SEMA3E: variants seen among roughly 807,000 people sequenced by gnomAD.
SEMA3E encodes the protein semaphorin-3E.
Under a neutral mutation model 93.6 loss-of-function variants are expected in SEMA3E, and 49 were observed. The ratio of observed to expected loss-of-function variants is 0.52; its 90% CI spans 0.42 to 0.66. SEMA3E has a LOEUF of 0.66. Ranked by LOEUF, SEMA3E falls within the 30% of genes least tolerant of loss-of-function variation. The probability of loss-of-function intolerance (pLI) is 0.00; values close to 1 mark genes in which losing one functional copy is unlikely to be tolerated. For synonymous variants in SEMA3E, 363 were observed against 330.7 expected, an observed-to-expected ratio of 1.10 and a Z score of -1.06; for missense variants, 906 against 964.8, an observed-to-expected ratio of 0.94 and a Z score of 0.81.
At chr7:83,606,984 G>A (rs1441948696) in intron 1 of SEMA3E, among the ~76,000 whole-genome samples, 2 of 152,080 alleles carry the variant, frequency 1.3e-5, no homozygotes, top group Non-Finnish European at 2.9e-5. Context: ...TGTAGGGAAT[G>A]ACAAATATTC....
intron 1 of SEMA3E, among the ~76,000 whole-genome samples, chr7:83,631,754 TG>T (rs1447788373): frequency 2.0e-5 from 3 of 152,190 alleles, no homozygotes; most frequent in East Asian, 3.9e-4. Context: ...AGGAAAAAGT[TG>T]GTTCAACAGA....
At chr7:83,629,879 C>T (rs182383529) in intron 1 of SEMA3E, among the ~76,000 whole-genome samples, 11 of 152,310 alleles carry the variant, frequency 7.2e-5, no homozygotes, top group Admixed American at 7.2e-4. Flanking sequence ...GCCCACACAG[C>T]CACCCAGCTT....
At chr7:83,517,697 A>G (rs1385249067) in intron 1 of SEMA3E, among the ~76,000 whole-genome samples, 4 of 152,156 alleles carry the variant, frequency 2.6e-5, no homozygotes, top group Non-Finnish European at 4.4e-5. Flanking sequence ...GGAAAAAGAA[A>G]AATAGGGAAT....
Position 83,392,579 on chromosome 7 carries a change from T to A in SEMA3E, c.1643A>T (p.Tyr548Phe). 6.2e-7 allele frequency: 1 copy of A among 1,613,100 alleles called. No individual in the cohort carries two copies. The highest frequency in any genetic ancestry group is 8.5e-7 in the Non-Finnish European group (1 of 1,179,750). The change falls in exon 14 of 17, where the codon TAC (tyrosine) becomes TTC (phenylalanine). Residue 548 changes from tyrosine to phenylalanine, a missense_variant. Transcript: ENST00000643230. ...AWDGISCSRY[Y>F]PTGTHAKRRF... is the part of the protein sequence containing the mutation. ...CCTTTTTGCATGTGTGCCTGTTGGG[T>A]AATACCGGGAGCAGGATATGCCATC...
rs1157801830 is a variant in SEMA3E, at chr7:83,454,257, CA to C, written c.456+12224del. On this transcript the variant is annotated intron_variant, in intron 4 of 16. Coordinates refer to ENST00000643230, the MANE Select transcript of SEMA3E (RefSeq NM_012431.3). ...TGGGCGACAGAGCAAGACTCCGACT[CA>C]AAAAAAAAAAAAAAATATATATATA... Among the ~76,000 whole-genome samples the C allele has an allele frequency of 5.1e-3, 231 of 44,950 alleles. 3 individuals carry two copies. Among genetic ancestry groups the C allele is most frequent in the Middle Eastern group, 0.022 (1 of 46 alleles). 29.5% of individuals were successfully genotyped at this position (44,950 alleles called of 152,430 possible).
chr7:83,501,549 T>C (rs569021054), intron 1 of SEMA3E, among the ~76,000 whole-genome samples: 96 of 152,134 alleles, frequency 6.3e-4, no homozygotes, highest in African/African-American at 2.2e-3. Context: ...ACCTCCCGGG[T>C]TCAAGCAATT....
chr7:83,592,332 T>C (rs923658137), intron 1 of SEMA3E, among the ~76,000 whole-genome samples: 1 of 152,172 alleles, frequency 6.6e-6, no homozygotes, highest in Non-Finnish European at 1.5e-5. Flanking sequence ...GGTATGTTGG[T>C]GGTAATAATT....
chr7:83,514,520 T>C (rs1257955525), intron 1 of SEMA3E, among the ~76,000 whole-genome samples: 1 of 152,138 alleles, frequency 6.6e-6, no homozygotes, highest in Non-Finnish European at 1.5e-5. Context: ...AAAAAAGATC[T>C]TGTGTTGTTG....
chr7:83,470,484 C>T (rs1294466346), intron 2 of SEMA3E, among the ~76,000 whole-genome samples: 5 of 151,980 alleles, frequency 3.3e-5, no homozygotes, highest in South Asian at 2.1e-4. Flanking sequence ...TATCAACTTA[C>T]GTGCAGAGGT....
chr7:83,579,428 ATCATTG>A (rs1792474284), intron 1 of SEMA3E, among the ~76,000 whole-genome samples: 2 of 152,082 alleles, frequency 1.3e-5, no homozygotes, highest in Admixed American at 6.6e-5. Flanking sequence ...TTTTAAAGGA[ATCATTG>A]TCTATCAAAT....
At chr7:83,610,288 TAC>T (rs1322320944) in intron 1 of SEMA3E, among the ~76,000 whole-genome samples, 1 of 152,114 alleles carries the variant, frequency 6.6e-6, no homozygotes, top group Non-Finnish European at 1.5e-5. Flanking sequence ...TTGATGAATA[TAC>T]TTTGAATGTG....
intron 1 of SEMA3E, among the ~76,000 whole-genome samples, chr7:83,567,374 T>G (rs2115855801): frequency 6.6e-6 from 1 of 152,260 alleles, no homozygotes; most frequent in East Asian, 1.9e-4. Context: ...AACAATTAAC[T>G]TTGGATTAAA....
intron 1 of SEMA3E, among the ~76,000 whole-genome samples, chr7:83,503,462 CTTACTA>C (rs1173246998): frequency 6.6e-6 from 1 of 151,998 alleles, no homozygotes; most frequent in Non-Finnish European, 1.5e-5. Flanking sequence ...ATATTTTATT[CTTACTA>C]TTACTATTAA....
At chr7:83,563,706 TA>T (rs1166138705) in intron 1 of SEMA3E, among the ~76,000 whole-genome samples, 1 of 152,182 alleles carries the variant, frequency 6.6e-6, no homozygotes, top group African/African-American at 2.4e-5. Context: ...TTAAATGAGT[TA>T]TTTTTTAAAT....
At chr7:83,424,870 TG>T (rs1227375380) in intron 4 of SEMA3E, 2 of 256,684 alleles carry the variant, frequency 7.8e-6, no homozygotes, top group African/African-American at 2.3e-5. Context: ...GATGGAGGAA[TG>T]GGGCCCTGAC....
chr7:83,518,197 G>A (rs1170838489), intron 1 of SEMA3E, among the ~76,000 whole-genome samples: 1 of 152,068 alleles, frequency 6.6e-6, no homozygotes, highest in East Asian at 1.9e-4. Flanking sequence ...TATTTATGGG[G>A]AACAGGTCAT....
intron 1 of SEMA3E, among the ~76,000 whole-genome samples, chr7:83,561,327 C>T (rs1368705288): frequency 1.3e-5 from 2 of 152,054 alleles, no homozygotes; most frequent in African/African-American, 4.8e-5. Context: ...TCTTTCTATT[C>T]TCCATGTGCG....
chr7:83,469,439 C>A, intron 2 of SEMA3E, 137 bp from the exon 3 acceptor site: 1 of 600,126 alleles, frequency 1.7e-6, no homozygotes, highest in Non-Finnish European at 2.9e-6. Flanking sequence ...TACAGTGGGT[C>A]TTTGTGTTAT....
chr7:83,585,645 T>C (rs1203420227), intron 1 of SEMA3E, among the ~76,000 whole-genome samples: 1 of 152,228 alleles, frequency 6.6e-6, no homozygotes, highest in Non-Finnish European at 1.5e-5. Context: ...TTCTCTTCAC[T>C]GTATGTGCTT....
Sources: allele counts gnomAD v4.1 joint callset (sites outside exome capture counted in the v4.1 genomes callset), GRCh38; gene constraint gnomAD v4.1.1; transcripts MANE v1.5; gene names NCBI Gene and HGNC (gene_info 2026-07-23, HGNC 2026-07-21).